CAMK2A: variants seen among roughly 807,000 people sequenced by gnomAD.
CAMK2A encodes the protein calcium/calmodulin dependent protein kinase II alpha, also known as calcium/calmodulin-dependent protein kinase type II subunit alpha.
CAMK2A carries 7 observed loss-of-function variants against 79.2 expected under a neutral mutation model. The observed-to-expected ratio is 0.09, with a 90% CI of 0.05 to 0.17. The LOEUF is 0.17. CAMK2A is among the 10% of genes least tolerant of loss of function. The pLI is 1.00. For missense variants in CAMK2A, 214 were observed against 646.4 expected (o/e 0.33, Z 7.25); for synonymous variants, 242 against 251.7 (o/e 0.96, Z 0.36).
chr5:150,242,251 A>G (rs1428899300), intron 13 of CAMK2A, among the ~76,000 whole-genome samples: 1 of 152,206 alleles, frequency 6.6e-6, no homozygotes, highest in African/African-American at 2.4e-5. Flanking sequence ...AGTTTGATTT[A>G]AAGGGACTTT....
In CAMK2A at chr5:150,221,167, TTTC is replaced by T. The variant is rs1187446504; in HGVS notation, c.*1540_*1542del. ...CATGTAGATTGGTTTTGTTGAGTGTTTTCTTCTTTTTGTTTGTTTTCAACATAC... is the reference window on the plus strand; with the variant it reads ...CATGTAGATTGGTTTTGTTGAGTGTTTTCTTTTTGTTTGTTTTCAACATAC... On this transcript the variant is annotated 3_prime_UTR_variant, in exon 19 of 19. Transcript: ENST00000671881. 1 of 338,658 alleles carries T rather than the reference TTTC, an allele frequency of 3.0e-6. No homozygotes were observed. Among genetic ancestry groups the T allele is most frequent in the Non-Finnish European group, 5.3e-6 (1 of 189,034 alleles). The allele number at this position is 338,658 out of a possible 1,614,324, so 21.0% of individuals were successfully genotyped here.
rs776635094 is a variant in CAMK2A at position 150,231,387 on chromosome 5, G to A, written c.1067-7C>T. 7.3e-7 allele frequency: 1 copy of A among 1,376,520 alleles called. No individual in the cohort carries two copies. Among genetic ancestry groups the A allele is most frequent in the East Asian group, 2.5e-5 (1 of 40,690 alleles). The allele number at this position is 1,376,520 out of a possible 1,614,324, so 85.3% of individuals were successfully genotyped here. ...ATAATTTCCTGTTTCCGCACTGTAA[G>A]GCAGAAGGGGACACAGAAATAATAA... On this transcript the variant is annotated splice_polypyrimidine_tract_variant and splice_region_variant and intron_variant, in intron 15 of 18. Transcript: ENST00000671881.
At chr5:150,225,387 C>T (rs1053439917) in intron 17 of CAMK2A, among the ~76,000 whole-genome samples, 21 of 152,146 alleles carry the variant, frequency 1.4e-4, no homozygotes, top group African/African-American at 2.9e-4. Context: ...GGAACTTGGC[C>T]GGGAATGAGC....
intron 11 of CAMK2A, 135 bp downstream of exon 11, chr5:150,250,091 G>A: frequency 3.0e-6 from 2 of 666,592 alleles, no homozygotes; most frequent in Non-Finnish European, 5.4e-6. Context: ...CTGCTGTCCA[G>A]TATGCAGTAG....
At chr5:150,241,514 C>T (rs1028423798) in intron 13 of CAMK2A, among the ~76,000 whole-genome samples, 23 of 145,680 alleles carry the variant, frequency 1.6e-4, no homozygotes, top group Non-Finnish European at 2.4e-4. Context: ...TCCTCTCCTC[C>T]TCCCTCTTTT....
At position 150,282,473 on chromosome 5, in the gene CAMK2A, G is replaced by A. The variant is rs371892296; in HGVS notation, c.62+7091C>T. ...ATGCCAAGGGGTGACTTACTCCTCGGTCTTTGATGGCCTGTCCCTGTCCAG... is the reference window on the plus strand; with the variant it reads ...ATGCCAAGGGGTGACTTACTCCTCGATCTTTGATGGCCTGTCCCTGTCCAG... On this transcript the variant is annotated intron_variant, in intron 1 of 18. Coordinates refer to ENST00000671881, the MANE Select transcript of CAMK2A (RefSeq NM_015981.4). Among the ~76,000 whole-genome samples the A allele has an allele frequency of 3.3e-5, 5 of 152,368 alleles. No individual in the cohort carries two copies. In the East Asian group the frequency reaches 7.7e-4, roughly 23 times the overall value.
chr5:150,241,649 T>G (rs1444088632), intron 13 of CAMK2A, among the ~76,000 whole-genome samples: 1 of 144,826 alleles, frequency 6.9e-6, no homozygotes, highest in Non-Finnish European at 1.5e-5. Context: ...CTCCTTCTTT[T>G]CTTCCTCTCT....
intron 1 of CAMK2A, among the ~76,000 whole-genome samples, chr5:150,285,919 G>C (rs1010952310): frequency 6.6e-6 from 1 of 152,148 alleles, no homozygotes; most frequent in Non-Finnish European, 1.5e-5. Context: ...GCTGGAAAAG[G>C]CTCGTTTTCC....
Position 150,289,630 on chromosome 5 carries a change from G to T in CAMK2A, c.-5C>A. 7 of 1,613,348 alleles carry T rather than the reference G, an allele frequency of 4.3e-6. No individual in the cohort carries two copies. The highest frequency in any genetic ancestry group is 5.9e-6 in the Non-Finnish European group (7 of 1,179,530). On this transcript the variant is annotated 5_prime_UTR_variant, in exon 1 of 19. Coordinates refer to ENST00000671881, the MANE Select transcript of CAMK2A (RefSeq NM_015981.4). ...GGTGCAGGTGATGGTGGCCATCCTG[G>T]CGCTGGGCAGGCAGGTGAGGCTTGG...
intron 1 of CAMK2A, among the ~76,000 whole-genome samples, chr5:150,275,650 C>A (rs1223872445): frequency 3.3e-5 from 5 of 152,160 alleles, no homozygotes; most frequent in Admixed American, 6.5e-5. Flanking sequence ...CGCTTACTTA[C>A]ATTTACCAGT....
chr5:150,289,909 G>A (rs1011926089), upstream of CAMK2A: 11 of 489,602 alleles, frequency 2.2e-5, no homozygotes, highest in African/African-American at 1.4e-4. Context: ...CTTCCACTGC[G>A]AAACCTGCTC....
intron 16 of CAMK2A, among the ~76,000 whole-genome samples, chr5:150,230,343 G>GAAAAAAA: frequency 8.1e-6 from 1 of 123,576 alleles, no homozygotes; most frequent in African/African-American, 2.8e-5. Flanking sequence ...AAAAAAAAGG[G>GAAAAAAA]AAAAAAAAAA....
At chr5:150,257,764 G>A (rs1031913022) in intron 3 of CAMK2A, 147 bp from the exon 4 acceptor site, 24 of 663,578 alleles carry the variant, frequency 3.6e-5, no homozygotes, top group Middle Eastern at 3.5e-4. Flanking sequence ...TTTGACAAGC[G>A]CTGGTGAACA....
chr5:150,231,121 C>G (rs776238763), intron 16 of CAMK2A, among the ~76,000 whole-genome samples, 184 bp downstream of exon 16: 1 of 151,982 alleles, frequency 6.6e-6, no homozygotes, highest in Non-Finnish European at 1.5e-5. Context: ...AGCAGTGTCG[C>G]GAACAGAAAG....
chr5:150,271,825 T>G (rs538226485), intron 2 of CAMK2A, among the ~76,000 whole-genome samples: 6 of 152,330 alleles, frequency 3.9e-5, no homozygotes, highest in Middle Eastern at 3.4e-3. Flanking sequence ...TTTCCAAATT[T>G]TAACGTCCAC....
At chr5:150,279,861 A>G (rs2150307977) in intron 1 of CAMK2A, among the ~76,000 whole-genome samples, 1 of 152,336 alleles carries the variant, frequency 6.6e-6, no homozygotes, top group South Asian at 2.1e-4. Flanking sequence ...ACGCTGGGAA[A>G]TTGCTTTCTA....
At position 150,289,725 on chromosome 5, in the gene CAMK2A, T is replaced by C. The variant is rs1209156377; in HGVS notation, c.-100A>G. The stretch of plus-strand genomic sequence containing the variant: ...CTAGGGACCACTTGCCTGCCCGTGC[T>C]GCCGAGTGCAAACAGAGAACCGGTT... On this transcript the variant is annotated 5_prime_UTR_variant, in exon 1 of 19. Transcript: ENST00000671881. 3.3e-6 allele frequency: 3 copies of C among 913,756 alleles called. No individual in the cohort carries two copies. Among genetic ancestry groups the C allele is most frequent in the Non-Finnish European group, 5.2e-6 (3 of 578,752 alleles). The allele number at this position is 913,756 out of a possible 1,614,324, so 56.6% of individuals were successfully genotyped here. A position where few individuals can be genotyped will look rare whatever the true frequency, so the allele number is the denominator to read the frequency against.
At position 150,256,650 on chromosome 5, in the gene CAMK2A, G is replaced by GGA. The variant is rs765207733; in HGVS notation, c.339-7_339-6dup. On this transcript the variant is annotated splice_polypyrimidine_tract_variant and splice_region_variant and intron_variant, in intron 5 of 18. Coordinates refer to ENST00000671881, the MANE Select transcript of CAMK2A (RefSeq NM_015981.4). The surrounding 1 kb of genome is among the most constrained non-coding windows in gnomAD (Gnocchi z 4.6). ...AGGATCTGCTGGATACAGTGACTAGGGAGAGAGAGAGGAAGGGGTCATGGT... is the reference window on the plus strand; with the variant it reads ...AGGATCTGCTGGATACAGTGACTAGGGAGAGAGAGAGAGGAAGGGGTCATGGT... The GGA allele has an allele frequency of 1.5e-5, 25 of 1,613,594 alleles. No individual in the cohort carries two copies. The highest frequency in any genetic ancestry group is 1.9e-5 in the Non-Finnish European group (23 of 1,179,582).
At chr5:150,232,958 C>A (rs186906953) in intron 15 of CAMK2A, among the ~76,000 whole-genome samples, 235 of 152,338 alleles carry the variant, frequency 1.5e-3, no homozygotes, top group African/African-American at 5.2e-3. Flanking sequence ...GGCTCCTCGC[C>A]CAGGGCCTTT....
Sources: gnomAD v4.1 joint callset for allele counts (sites outside exome capture counted in the v4.1 genomes callset) on GRCh38, gnomAD v4.1.1 for gene constraint, Gnocchi (gnomAD v3.1) non-coding constraint, MANE v1.5 for transcripts, NCBI Gene and HGNC (gene_info 2026-07-23, HGNC 2026-07-21) for gene names.